MYH10: variants seen among roughly 807,000 people sequenced by gnomAD.
MYH10 encodes myosin-10.
In MYH10, 55 loss-of-function variants were observed where a neutral mutation model predicts 257.8. The ratio of observed to expected loss-of-function variants is 0.21; its 90% confidence interval spans 0.17 to 0.27. The LOEUF is 0.27. MYH10 is among the 10% of genes least tolerant of loss of function. The pLI, the probability that MYH10 is intolerant of heterozygous loss-of-function variation, is 1.00. For synonymous variants in MYH10, 854 were observed against 921.7 expected (o/e 0.93, Z 1.33); for missense variants, 1,631 against 2,500.6 (o/e 0.65, Z 7.42).
Position 8,533,926 on chromosome 17 carries a change from T to C in MYH10, c.1894+1461A>G, listed in dbSNP as rs1192561269. Among the ~76,000 whole-genome samples the C allele has an allele frequency of 2.0e-5, 3 of 152,190 alleles. No individual in the cohort carries two copies. In the East Asian group the frequency reaches 5.8e-4, roughly 29 times the overall value. ...TGATTCCTGAAGGAATGCAAATCCT[T>C]ACGACTGCAACATTACTCCTCCCTC... On this transcript the variant is annotated intron_variant, in intron 16 of 42. Coordinates refer to ENST00000360416, the MANE Select transcript of MYH10 (RefSeq NM_001256012.3).
intron 25 of MYH10, among the ~76,000 whole-genome samples, chr17:8,509,307 C>A (rs961389707): frequency 6.6e-6 from 1 of 152,226 alleles, no homozygotes; most frequent in Non-Finnish European, 1.5e-5. Flanking sequence ...AGGTGTATAG[C>A]AGGCTCTACC....
At chr17:8,608,551 G>C (rs754133231) in intron 2 of MYH10, among the ~76,000 whole-genome samples, 1 of 152,222 alleles carries the variant, frequency 6.6e-6, no homozygotes, top group Non-Finnish European at 1.5e-5. Context: ...GGTGAGCCAA[G>C]CAGGATGCCT....
chr17:8,600,360 G>A (rs1216438463), intron 3 of MYH10, among the ~76,000 whole-genome samples: 1 of 152,158 alleles, frequency 6.6e-6, no homozygotes, highest in Non-Finnish European at 1.5e-5. Context: ...TCCACATGAA[G>A]TCAAAGAACA....
chr17:8,585,267 T>C (rs1263965383), intron 4 of MYH10, among the ~76,000 whole-genome samples: 1 of 142,230 alleles, frequency 7.0e-6, no homozygotes, highest in African/African-American at 2.5e-5. Flanking sequence ...TATGTGTATA[T>C]ATATGTGCAT....
At chr17:8,560,535 C>A in intron 7 of MYH10, 1 of 660,650 alleles carries the variant, frequency 1.5e-6, no homozygotes. Flanking sequence ...CATGCAGCTC[C>A]TTCGAGCTGT....
At chr17:8,478,979 G>A (rs555133036) in intron 40 of MYH10, among the ~76,000 whole-genome samples, 4 of 152,270 alleles carry the variant, frequency 2.6e-5, no homozygotes, top group South Asian at 2.1e-4. Context: ...TGATCTGCCC[G>A]CCCTGGCCTC....
chr17:8,493,930 C>G, intron 31 of MYH10, 45 bp from the exon 32 acceptor site: 1 of 1,568,828 alleles, frequency 6.4e-7, no homozygotes, highest in Non-Finnish European at 8.6e-7. Flanking sequence ...ACATTTATCA[C>G]CAAAACAAAT....
Position 8,500,288 on chromosome 17 carries a change from G to A in MYH10, c.3744+538C>T, listed in dbSNP as rs1003427208. 4.6e-5 allele frequency among the ~76,000 whole-genome samples: 7 copies of A among 152,170 alleles called. No homozygotes were observed. The South Asian group carries it at 6.2e-4, about 14-fold the overall frequency. On this transcript the variant is annotated intron_variant, in intron 29 of 42. Coordinates refer to ENST00000360416, the MANE Select transcript of MYH10 (RefSeq NM_001256012.3). Reference sequence around the variant, plus strand: ...AGGCCAGTCTGCACAGGAGGGTGGCGTGAGTCACAGGGCACATGAAATTAA... The same window carrying A: ...AGGCCAGTCTGCACAGGAGGGTGGCATGAGTCACAGGGCACATGAAATTAA...
chr17:8,559,962 T>G (rs1021263597), intron 7 of MYH10, among the ~76,000 whole-genome samples: 20 of 152,234 alleles, frequency 1.3e-4, no homozygotes, highest in Admixed American at 1.2e-3. Context: ...ACGGCCAACG[T>G]GACTGCCTGG....
At position 8,552,023 on chromosome 17, in the gene MYH10, T is replaced by G. The variant is rs771487086; in HGVS notation, c.919+23A>C. The G allele has an allele frequency of 4.6e-6, 6 of 1,302,008 alleles. No homozygotes were observed. Among genetic ancestry groups the G allele is most frequent in the Non-Finnish European group, 2.1e-6 (2 of 958,756 alleles). The allele number at this position is 1,302,008 out of a possible 1,614,324, so 80.7% of individuals were successfully genotyped here. A position where few individuals can be genotyped will look rare whatever the true frequency, so the allele number is the denominator to read the frequency against. ...AAGAGATATTCCAGTGAATATAAAATAGTAAAAACCTTTGTAACTTACACT... is the reference window on the plus strand; with the variant it reads ...AAGAGATATTCCAGTGAATATAAAAGAGTAAAAACCTTTGTAACTTACACT... On this transcript the variant is annotated intron_variant, in intron 9 of 42. Transcript: ENST00000360416. This position sits in a 1 kb window ranked among gnomAD's most constrained non-coding sequence, Gnocchi z 4.8.
intron 4 of MYH10, among the ~76,000 whole-genome samples, chr17:8,588,470 T>C (rs1389621370): frequency 1.3e-5 from 2 of 152,234 alleles, no homozygotes; most frequent in African/African-American, 4.8e-5. Context: ...CTTTTTCTTA[T>C]GCATGTAAAT....
rs5819200 is a variant in MYH10, at chr17:8,579,277, TAA to T, written c.531-1941_531-1940del. On this transcript the variant is annotated intron_variant, in intron 4 of 42. Coordinates refer to ENST00000360416, the MANE Select transcript of MYH10 (RefSeq NM_001256012.3). ...CTGGGCAACAGAGCAAGACCCTGTC[TAA>T]AAAAAAAAAAAAAATTGTACTATTT... Among the ~76,000 whole-genome samples the T allele has an allele frequency of 8.1e-3, 1,183 of 145,448 alleles. 12 individuals carry two copies. Among genetic ancestry groups the T allele is most frequent in the African/African-American group, 0.024 (959 of 39,616 alleles).
intron 28 of MYH10, among the ~76,000 whole-genome samples, chr17:8,502,496 G>A (rs952634295): frequency 6.6e-6 from 1 of 151,978 alleles, no homozygotes; most frequent in African/African-American, 2.4e-5. Context: ...GTGTGTGTGT[G>A]TGTGTGTGTT....
Position 8,617,131 on chromosome 17 carries a change from G to A in MYH10, c.345+5771C>T, listed in dbSNP as rs556531939. 2.0e-5 allele frequency among the ~76,000 whole-genome samples: 3 copies of A among 151,878 alleles called. No homozygotes were observed. In the East Asian group the frequency reaches 5.8e-4, roughly 29 times the overall value. On this transcript the variant is annotated intron_variant, in intron 2 of 42. Coordinates refer to ENST00000360416, the MANE Select transcript of MYH10 (RefSeq NM_001256012.3). Reference sequence around the variant, plus strand: ...TTCAATTCTAGATGGAATTGAGGCTGACCCTAAGAAAAGGATCATCAAATT... The same window carrying A: ...TTCAATTCTAGATGGAATTGAGGCTAACCCTAAGAAAAGGATCATCAAATT...
At chr17:8,481,576 G>T in intron 37 of MYH10, 166 bp from the exon 38 acceptor site, 1 of 597,270 alleles carries the variant, frequency 1.7e-6, no homozygotes, top group Non-Finnish European at 2.9e-6. Flanking sequence ...TCTGCTCGGT[G>T]CAGGCCAGCC....
chr17:8,591,206 G>C (rs2084126954), intron 3 of MYH10, among the ~76,000 whole-genome samples: 1 of 152,208 alleles, frequency 6.6e-6, no homozygotes, highest in African/African-American at 2.4e-5. Context: ...TTTAGAATCA[G>C]ACAAACAATA....
chr17:8,589,123 A>G lies in MYH10; in HGVS notation c.503-15T>C, dbSNP rs1567947038. ...GTCCTCACGATCTATAAAACAGAAC[A>G]AAACAAACAAAAAAAAGAAAGTGAC... On this transcript the variant is annotated splice_polypyrimidine_tract_variant and intron_variant, in intron 3 of 42. Transcript: ENST00000360416. 6.2e-7 allele frequency: 1 copy of G among 1,610,948 alleles called. No individual in the cohort carries two copies. The highest frequency in any genetic ancestry group is 1.7e-5 in the Admixed American group (1 of 59,248).
At chr17:8,496,522 G>C (rs149842761) in intron 30 of MYH10, among the ~76,000 whole-genome samples, 1 of 152,184 alleles carries the variant, frequency 6.6e-6, no homozygotes, top group Non-Finnish European at 1.5e-5. Flanking sequence ...GGTTGACTGA[G>C]GTTTAAATGG....
intron 14 of MYH10, among the ~76,000 whole-genome samples, chr17:8,539,534 A>T (rs2082236029): frequency 6.6e-6 from 1 of 152,094 alleles, no homozygotes; most frequent in Non-Finnish European, 1.5e-5. Flanking sequence ...ATACTATCTC[A>T]TATCCCCATG....
Sources: gnomAD v4.1 joint callset for allele counts (sites outside exome capture counted in the v4.1 genomes callset) on GRCh38, gnomAD v4.1.1 for gene constraint, Gnocchi (gnomAD v3.1) non-coding constraint, MANE v1.5 for transcripts, NCBI Gene and HGNC (gene_info 2026-07-23, HGNC 2026-07-21) for gene names.